HNRNPC: variants seen among roughly 807,000 people sequenced by gnomAD.
HNRNPC encodes the protein heterogeneous nuclear ribonucleoprotein C.
In HNRNPC, 3 loss-of-function variants were observed where a neutral mutation model predicts 33.2. The observed-to-expected ratio is 0.09, with a 90% CI of 0.04 to 0.23. The LOEUF (loss-of-function observed/expected upper bound fraction) is 0.23. HNRNPC is among the 10% of genes least tolerant of loss of function. HNRNPC has a pLI of 1.00. For synonymous variants in HNRNPC, 121 were observed against 126.7 expected, an observed-to-expected ratio of 0.96 and a Z score of 0.30; for missense variants, 143 against 366.7, an observed-to-expected ratio of 0.39 and a Z score of 4.98.
intron 2 of HNRNPC, among the ~76,000 whole-genome samples, chr14:21,240,881 A>T (rs991202969): frequency 2.6e-5 from 4 of 152,188 alleles, no homozygotes; most frequent in African/African-American, 9.7e-5. Flanking sequence ...CACTTACCAG[A>T]CATTATCTCA....
chr14:21,212,834 C>T (rs1019821288), intron 6 of HNRNPC, 126 bp downstream of exon 6: 5 of 1,243,624 alleles, frequency 4.0e-6, no homozygotes, highest in Middle Eastern at 2.8e-4. Flanking sequence ...TGAGCCACCA[C>T]ACACCCAGCC....
intron 2 of HNRNPC, among the ~76,000 whole-genome samples, chr14:21,237,087 G>T (rs1894775661): frequency 6.6e-6 from 1 of 152,190 alleles, no homozygotes; most frequent in Non-Finnish European, 1.5e-5. Context: ...TGCTCCAATA[G>T]TGGGTGAGCA....
intron 2 of HNRNPC, among the ~76,000 whole-genome samples, chr14:21,239,787 T>C (rs912838425): frequency 6.6e-6 from 1 of 150,912 alleles, no homozygotes; most frequent in Non-Finnish European, 1.5e-5. Flanking sequence ...CACAGGAAAA[T>C]CCCTTGAACC....
intron 5 of HNRNPC, among the ~76,000 whole-genome samples, chr14:21,225,180 G>T (rs980473874): frequency 1.3e-5 from 2 of 152,000 alleles, no homozygotes; most frequent in Admixed American, 6.6e-5. Flanking sequence ...CAGCACTTTG[G>T]GAGGGCGAGG....
At chr14:21,260,631 C>CAACA (rs1878073698) in intron 2 of HNRNPC, among the ~76,000 whole-genome samples, 1 of 151,742 alleles carries the variant, frequency 6.6e-6, no homozygotes, top group Admixed American at 6.6e-5. Context: ...CCATCCTGGC[C>CAACA]AACATGGCAT....
At chr14:21,266,259 C>A (rs1463472464) in intron 1 of HNRNPC, among the ~76,000 whole-genome samples, 1 of 152,082 alleles carries the variant, frequency 6.6e-6, no homozygotes, top group Non-Finnish European at 1.5e-5. Flanking sequence ...AGCGCCAGCA[C>A]GCCAAGCTAA....
chr14:21,209,667 A>C lies in HNRNPC; in HGVS notation c.*1556T>G, dbSNP rs1027184616. 4.0e-4 allele frequency: 61 copies of C among 152,316 alleles called. No individual in the cohort carries two copies. Among genetic ancestry groups the C allele is most frequent in the African/African-American group, 1.4e-3 (59 of 41,570 alleles). 9.4% of individuals were successfully genotyped at this position (152,316 alleles called of 1,614,324 possible). A position where few individuals can be genotyped will look rare whatever the true frequency, so the allele number is the denominator to read the frequency against. ...ATGATCTATAAAATCCTCATAAATA[A>C]GACATGAGTTTTGCCTGTAATGAGT... On this transcript the variant is annotated 3_prime_UTR_variant, in exon 9 of 9. Transcript: ENST00000553300.
chr14:21,254,307 T>A (rs1876743821), intron 2 of HNRNPC, among the ~76,000 whole-genome samples: 1 of 152,122 alleles, frequency 6.6e-6, no homozygotes, highest in Non-Finnish European at 1.5e-5. Context: ...TATATAATAC[T>A]ATGTAACTAC....
intron 5 of HNRNPC, among the ~76,000 whole-genome samples, chr14:21,220,291 G>A (rs1047757621): frequency 1.4e-5 from 2 of 146,886 alleles, no homozygotes; most frequent in Admixed American, 7.0e-5. Context: ...AAGCTGCAGT[G>A]CAATGGGCAC....
At chr14:21,226,686 C>T (rs923068973) in intron 5 of HNRNPC, among the ~76,000 whole-genome samples, 3 of 151,944 alleles carry the variant, frequency 2.0e-5, no homozygotes, top group African/African-American at 7.3e-5. Context: ...TCAAAACCGG[C>T]CTGGCCAACG....
At chr14:21,254,872 A>C (rs986206591) in intron 2 of HNRNPC, among the ~76,000 whole-genome samples, 1 of 151,742 alleles carries the variant, frequency 6.6e-6, no homozygotes, top group African/African-American at 2.4e-5. Context: ...CGGTGAGCCA[A>C]GATCGTGCCA....
intron 1 of HNRNPC, among the ~76,000 whole-genome samples, chr14:21,268,024 T>C (rs530221689): frequency 6.6e-6 from 1 of 152,310 alleles, no homozygotes; most frequent in Non-Finnish European, 1.5e-5. Flanking sequence ...ATGAATTTCT[T>C]ACCCTGCAGA....
intron 2 of HNRNPC, among the ~76,000 whole-genome samples, chr14:21,262,061 T>C (rs1342120099): frequency 6.6e-6 from 1 of 152,224 alleles, no homozygotes; most frequent in Non-Finnish European, 1.5e-5. Context: ...CTAATTTGGA[T>C]GTAGAGGTTA....
chr14:21,211,734 A>G lies in HNRNPC; in HGVS notation c.637+76T>C, dbSNP rs562137788. 4 of 1,448,380 alleles carry G rather than the reference A, an allele frequency of 2.8e-6. No individual in the cohort carries two copies. In the Admixed American group the frequency reaches 5.2e-5, roughly 19 times the overall value. 89.7% of individuals were successfully genotyped at this position (1,448,380 alleles called of 1,614,324 possible). On this transcript the variant is annotated intron_variant, in intron 7 of 8. Transcript: ENST00000553300. The stretch of plus-strand genomic sequence containing the variant: ...ATATTACATTGCTTTATATTCCACT[A>G]TTCCAACATGTACTTTCAAGTGCCT...
chr14:21,257,698 G>A (rs1388476685), intron 2 of HNRNPC, among the ~76,000 whole-genome samples: 1 of 151,920 alleles, frequency 6.6e-6, no homozygotes, highest in Non-Finnish European at 1.5e-5. Context: ...TAATTCTACC[G>A]CCTCAGCCTC....
chr14:21,253,848 GA>G (rs1049163575), intron 2 of HNRNPC, among the ~76,000 whole-genome samples: 21 of 152,008 alleles, frequency 1.4e-4, no homozygotes, highest in African/African-American at 4.8e-4. Context: ...GGCAGATCAC[GA>G]GGTCAGCAAA....
chr14:21,220,073 A>G (rs989389046), intron 5 of HNRNPC, among the ~76,000 whole-genome samples: 6 of 152,198 alleles, frequency 3.9e-5, no homozygotes, highest in African/African-American at 1.4e-4. Flanking sequence ...TATCTTTCTC[A>G]GTAAGAGTGA....
chr14:21,217,308 A>C (rs898825208), intron 5 of HNRNPC, among the ~76,000 whole-genome samples: 1 of 152,214 alleles, frequency 6.6e-6, no homozygotes, highest in Non-Finnish European at 1.5e-5. Context: ...GTTATTTGCA[A>C]GTACTTCACC....
chr14:21,241,244 C>T (rs1175367323), intron 2 of HNRNPC, among the ~76,000 whole-genome samples: 3 of 103,572 alleles, frequency 2.9e-5, no homozygotes, highest in African/African-American at 1.1e-4. Context: ...GGGAACAGAG[C>T]AAGACTATGT....
Sources: gnomAD v4.1 joint callset for allele counts (sites outside exome capture counted in the v4.1 genomes callset) on GRCh38, gnomAD v4.1.1 for gene constraint, MANE v1.5 for transcripts, NCBI Gene and HGNC (gene_info 2026-07-23, HGNC 2026-07-21) for gene names.